NTRK2: variants seen among roughly 807,000 people sequenced by gnomAD.
The protein encoded by NTRK2 is neurotrophic receptor tyrosine kinase 2.
NTRK2 carries 13 observed loss-of-function variants against 94.5 expected under a neutral mutation model. That is an observed-to-expected ratio of 0.14 (90% confidence interval 0.09 to 0.22). The LOEUF is 0.22. Among genes scored for constraint, NTRK2 ranks in the 10% least tolerant of loss-of-function variants. The pLI, the probability that NTRK2 is intolerant of heterozygous loss-of-function variation, is 1.00. For synonymous variants in NTRK2, 372 were observed against 407.4 expected (o/e 0.91, Z 1.05); for missense variants, 639 against 1,071.2 (o/e 0.60, Z 5.63).
At chr9:84,743,481 T>A (rs1051683462) in intron 10 of NTRK2, among the ~76,000 whole-genome samples, 1 of 152,226 alleles carries the variant, frequency 6.6e-6, no homozygotes, top group Non-Finnish European at 1.5e-5. Context: ...TAAGCCATAT[T>A]TCTTCCAAGC....
intron 12 of NTRK2, chr9:84,815,100 G>A (rs199834766): frequency 1.9e-5 from 20 of 1,058,140 alleles, no homozygotes; most frequent in Non-Finnish European, 2.2e-5. Flanking sequence ...TGTCGCAGAA[G>A]GAAATTTCCC....
At chr9:84,811,473 G>T in intron 12 of NTRK2, 1 of 1,065,538 alleles carries the variant, frequency 9.4e-7, no homozygotes, top group African/African-American at 1.6e-5. Context: ...TGCCCTCTGC[G>T]ATCCACCTGC....
intron 12 of NTRK2, among the ~76,000 whole-genome samples, chr9:84,852,904 A>G (rs1049985238): frequency 6.6e-6 from 1 of 152,232 alleles, no homozygotes; most frequent in African/African-American, 2.4e-5. Flanking sequence ...ATGCTGCAAC[A>G]GAAGCTGATT....
At chr9:84,830,133 A>G (rs2073442033) in intron 12 of NTRK2, among the ~76,000 whole-genome samples, 1 of 152,216 alleles carries the variant, frequency 6.6e-6, no homozygotes, top group South Asian at 2.1e-4. Flanking sequence ...ACTTATGCTA[A>G]GTATGGAAGC....
intron 12 of NTRK2, among the ~76,000 whole-genome samples, chr9:84,763,920 A>G (rs2065820269): frequency 1.3e-5 from 2 of 151,814 alleles, no homozygotes; most frequent in Non-Finnish European, 2.9e-5. Flanking sequence ...ATTTGAAGAG[A>G]CTAGGCAGTT....
intron 14 of NTRK2, among the ~76,000 whole-genome samples, chr9:84,931,723 A>C (rs945903348): frequency 2.6e-5 from 4 of 151,644 alleles, no homozygotes; most frequent in African/African-American, 9.7e-5. Context: ...ATGCAAAAAA[A>C]AAAAAAACAA....
At chr9:84,697,046 T>G (rs2060423041) in intron 2 of NTRK2, among the ~76,000 whole-genome samples, 1 of 152,078 alleles carries the variant, frequency 6.6e-6, no homozygotes, top group South Asian at 2.1e-4. Context: ...AGATTATTAA[T>G]AAAGGTTGAG....
At chr9:84,831,897 A>T (rs1354569677) in intron 12 of NTRK2, among the ~76,000 whole-genome samples, 1 of 152,210 alleles carries the variant, frequency 6.6e-6, no homozygotes, top group East Asian at 1.9e-4. Context: ...ATAAACCTCT[A>T]AAAAAGGCAA....
chr9:84,797,543 A>ATTATATATACTATATATACTATATAT (rs67578078), intron 12 of NTRK2, among the ~76,000 whole-genome samples: 2 of 66,298 alleles, frequency 3.0e-5, no homozygotes, highest in African/African-American at 1.4e-4. Flanking sequence ...TGTATATATA[A>ATTATATATACTATATATACTATATAT]TATATATATT....
At chr9:84,883,718 A>G (rs556278147) in intron 14 of NTRK2, among the ~76,000 whole-genome samples, 1 of 152,352 alleles carries the variant, frequency 6.6e-6, no homozygotes, top group East Asian at 1.9e-4. Flanking sequence ...TCCTAAGCTT[A>G]ACTATTTGAA....
intron 5 of NTRK2, among the ~76,000 whole-genome samples, chr9:84,708,483 A>G (rs992720570): frequency 1.3e-5 from 2 of 152,192 alleles, no homozygotes; most frequent in Admixed American, 1.3e-4. Context: ...AAAATGATAG[A>G]AAACGTATTG....
At chr9:84,811,035 C>A in intron 12 of NTRK2, 1 of 1,082,752 alleles carries the variant, frequency 9.2e-7, no homozygotes, top group South Asian at 4.1e-5. Flanking sequence ...ATAGTCTAAT[C>A]TACATGTAAC....
At chr9:84,699,832 A>G (rs1326425100) in intron 2 of NTRK2, among the ~76,000 whole-genome samples, 1 of 151,196 alleles carries the variant, frequency 6.6e-6, no homozygotes, top group Non-Finnish European at 1.5e-5. Flanking sequence ...TCTCTCCTCT[A>G]TGCCTTCCAT....
chr9:84,692,759 G>A (rs568898756), intron 2 of NTRK2, among the ~76,000 whole-genome samples: 90 of 152,122 alleles, frequency 5.9e-4, no homozygotes, highest in African/African-American at 2.1e-3. Flanking sequence ...GAGCCACCGC[G>A]CCCAGGGTTT....
At position 85,021,996 on chromosome 9, in the gene NTRK2, T is replaced by G. The variant is rs1426369993; in HGVS notation, c.*559T>G. The G allele has an allele frequency of 8.4e-6, 2 of 238,328 alleles. No individual in the cohort carries two copies. The highest frequency in any genetic ancestry group is 1.7e-5 in the Non-Finnish European group (2 of 121,178). 14.8% of individuals were successfully genotyped at this position (238,328 alleles called of 1,614,324 possible). A position where few individuals can be genotyped will look rare whatever the true frequency, so the allele number is the denominator to read the frequency against. ...TATTTATTTATTATTATTACTGTTC[T>G]TATTGTTTTTGGATGGCTTAAGCCT... On this transcript the variant is annotated 3_prime_UTR_variant, in exon 19 of 19. Coordinates refer to ENST00000277120, the MANE Select transcript of NTRK2 (RefSeq NM_006180.6).
intron 9 of NTRK2, among the ~76,000 whole-genome samples, chr9:84,740,284 C>A (rs978884602): frequency 3.3e-5 from 5 of 152,182 alleles, no homozygotes; most frequent in African/African-American, 2.4e-5. Flanking sequence ...ATTGAGTTAG[C>A]CCTCAAACTA....
At chr9:84,816,522 T>C (rs1472747399) in intron 12 of NTRK2, among the ~76,000 whole-genome samples, 1 of 152,012 alleles carries the variant, frequency 6.6e-6, no homozygotes, top group African/African-American at 2.4e-5. Context: ...GGCTCACACC[T>C]ATAATCCCAG....
chr9:84,921,502 C>CAA (rs200275995), intron 14 of NTRK2, among the ~76,000 whole-genome samples: 29 of 151,530 alleles, frequency 1.9e-4, no homozygotes, highest in Middle Eastern at 3.4e-3. Flanking sequence ...AGGCAGGGGA[C>CAA]AAAAAAAATA....
intron 12 of NTRK2, among the ~76,000 whole-genome samples, chr9:84,801,013 C>T (rs917453823): frequency 3.9e-5 from 6 of 152,166 alleles, no homozygotes; most frequent in Admixed American, 2.0e-4. Context: ...CCATGATTTA[C>T]AATGCAATTG....
Sources: gnomAD v4.1 joint callset for allele counts (sites outside exome capture counted in the v4.1 genomes callset) on GRCh38, gnomAD v4.1.1 for gene constraint, MANE v1.5 for transcripts, NCBI Gene and HGNC (gene_info 2026-07-23, HGNC 2026-07-21) for gene names.